Variants in MED13L observed in about 807,000 individuals in gnomAD.
The protein encoded by MED13L is mediator complex subunit 13L.
MED13L carries 7 observed loss-of-function variants against 220.9 expected under a neutral mutation model. That is an observed-to-expected ratio of 0.03 (90% confidence interval 0.02 to 0.06). The LOEUF is 0.06. MED13L is among the 10% of genes least tolerant of loss of function. The pLI, the probability that MED13L is intolerant of heterozygous loss-of-function variation, is 1.00. For missense variants in MED13L, 1,965 were observed against 2,760.5 expected, an observed-to-expected ratio of 0.71 and a Z score of 6.46; for synonymous variants, 1,011 against 1,015.2, an observed-to-expected ratio of 1.00 and a Z score of 0.08.
At chr12:116,001,753 G>A (rs913777185) in intron 14 of MED13L, among the ~76,000 whole-genome samples, 5 of 152,016 alleles carry the variant, frequency 3.3e-5, no homozygotes, top group African/African-American at 7.3e-5. Context: ...ATATTGATTC[G>A]TTTTTATAAC....
chr12:116,038,256 G>A (rs1213966702), intron 4 of MED13L, among the ~76,000 whole-genome samples: 1 of 151,832 alleles, frequency 6.6e-6, no homozygotes, highest in African/African-American at 2.4e-5. Context: ...TAAGACATGG[G>A]GGATGATGAG....
At chr12:116,256,593 T>C (rs1228358975) in intron 1 of MED13L, among the ~76,000 whole-genome samples, 1 of 152,056 alleles carries the variant, frequency 6.6e-6, no homozygotes, top group Non-Finnish European at 1.5e-5. Flanking sequence ...TATTTTATTG[T>C]ATGTAAAGTA....
At chr12:116,264,214 T>A (rs973847170) in intron 1 of MED13L, among the ~76,000 whole-genome samples, 11 of 151,998 alleles carry the variant, frequency 7.2e-5, no homozygotes, top group African/African-American at 2.7e-4. Context: ...AACTAAACTG[T>A]CTCTAAAAGC....
At chr12:116,248,570 T>TC (rs1384872341) in intron 1 of MED13L, among the ~76,000 whole-genome samples, 81 of 152,376 alleles carry the variant, frequency 5.3e-4, no homozygotes, top group African/African-American at 1.8e-3. Flanking sequence ...ATCATTTCTA[T>TC]TTCAGTCAAC....
chr12:116,131,731 C>A (rs1366759728), intron 2 of MED13L, among the ~76,000 whole-genome samples: 2 of 152,206 alleles, frequency 1.3e-5, no homozygotes, highest in Non-Finnish European at 2.9e-5. Context: ...GTAATCCCAG[C>A]ACTTTGGGAG....
chr12:116,174,991 GT>G (rs1879942218), intron 2 of MED13L: 2 of 152,318 alleles, frequency 1.3e-5, no homozygotes, highest in African/African-American at 4.8e-5. Context: ...GAGCCCAGGA[GT>G]TAGAGACTGC....
chr12:115,986,537 A>C, intron 18 of MED13L, 48 bp from the exon 19 acceptor site: 1 of 1,570,994 alleles, frequency 6.4e-7, no homozygotes, highest in Non-Finnish European at 8.7e-7. Flanking sequence ...TTTTTCCCAC[A>C]ACCTTACAAT....
intron 4 of MED13L, among the ~76,000 whole-genome samples, chr12:116,042,412 G>A (rs1410359944): frequency 6.6e-6 from 1 of 152,168 alleles, no homozygotes; most frequent in Non-Finnish European, 1.5e-5. Flanking sequence ...CAGATAAGCT[G>A]TGCCTGTTTT....
chr12:116,276,350 G>GTGTGTGTGTGTGTA, intron 1 of MED13L: 2 of 713,258 alleles, frequency 2.8e-6, no homozygotes, highest in Non-Finnish European at 2.1e-6. Context: ...GTGTGTGTGT[G>GTGTGTGTGTGTGTA]TGCGGATTCG....
intron 30 of MED13L, chr12:115,961,701 G>A (rs1875768839): frequency 4.9e-6 from 2 of 407,670 alleles, no homozygotes; most frequent in Non-Finnish European, 9.3e-6. Flanking sequence ...AGGTGCAGTG[G>A]CTCACGCCTG....
chr12:116,133,102 C>A (rs1341023748), intron 2 of MED13L, among the ~76,000 whole-genome samples: 1 of 152,158 alleles, frequency 6.6e-6, no homozygotes, highest in Non-Finnish European at 1.5e-5. Flanking sequence ...AGAGAAGAAT[C>A]TTTGACCATT....
intron 4 of MED13L, among the ~76,000 whole-genome samples, chr12:116,063,426 G>A (rs1013168678): frequency 2.0e-5 from 3 of 152,268 alleles, no homozygotes; most frequent in Middle Eastern, 6.8e-3. Context: ...GCTGAGGTGG[G>A]AGGATTCCTT....
chr12:116,015,891 T>C (rs1442589259), intron 7 of MED13L, among the ~76,000 whole-genome samples: 1 of 152,210 alleles, frequency 6.6e-6, no homozygotes, highest in Non-Finnish European at 1.5e-5. Context: ...GAGGTTGTCT[T>C]GACATTTTAT....
chr12:116,093,388 A>G (rs1872398910), intron 4 of MED13L, among the ~76,000 whole-genome samples: 1 of 152,102 alleles, frequency 6.6e-6, no homozygotes, highest in East Asian at 1.9e-4. Context: ...AATCAAATAC[A>G]TATTTTTAAT....
chr12:116,096,013 C>T (rs1231635695), intron 4 of MED13L, among the ~76,000 whole-genome samples: 1 of 152,024 alleles, frequency 6.6e-6, no homozygotes, highest in East Asian at 1.9e-4. Context: ...AAAATTGTCA[C>T]CATTTCTTCA....
chr12:116,256,019 A>C (rs945289805), intron 1 of MED13L, among the ~76,000 whole-genome samples: 1 of 152,198 alleles, frequency 6.6e-6, no homozygotes, highest in African/African-American at 2.4e-5. Flanking sequence ...GATTCACAAC[A>C]TGTACTACAC....
At chr12:116,202,727 T>C (rs1882082554) in intron 2 of MED13L, among the ~76,000 whole-genome samples, 1 of 152,154 alleles carries the variant, frequency 6.6e-6, no homozygotes, top group Non-Finnish European at 1.5e-5. Context: ...CCACCAACCC[T>C]TAACCTTCTT....
At chr12:116,070,152 C>T (rs966906467) in intron 4 of MED13L, among the ~76,000 whole-genome samples, 3 of 152,158 alleles carry the variant, frequency 2.0e-5, no homozygotes, top group Non-Finnish European at 2.9e-5. Flanking sequence ...GGGGTCATGT[C>T]CAAGGGCAGG....
chr12:116,267,488 A>G (rs758552958), intron 1 of MED13L, among the ~76,000 whole-genome samples: 1 of 152,286 alleles, frequency 6.6e-6, no homozygotes, highest in Middle Eastern at 3.4e-3. Flanking sequence ...TCTTCCTACT[A>G]AAGAACATCA....
Sources: allele counts gnomAD v4.1 joint callset (sites outside exome capture counted in the v4.1 genomes callset), GRCh38; gene constraint gnomAD v4.1.1; transcripts MANE v1.5; gene names NCBI Gene and HGNC (gene_info 2026-07-23, HGNC 2026-07-21).